Variants in NUP155 observed in about 807,000 individuals in gnomAD.
NUP155 encodes nuclear pore complex protein Nup155.
NUP155 carries 71 observed loss-of-function variants against 180.4 expected under a neutral mutation model. The observed-to-expected ratio is 0.39, with a 90% CI of 0.33 to 0.48. The LOEUF (loss-of-function observed/expected upper bound fraction) is 0.48, where lower values mean the gene tolerates loss of function less well. Among genes scored for constraint, NUP155 ranks in the 20% least tolerant of loss-of-function variants. NUP155 has a pLI of 0.91. For synonymous variants in NUP155, 582 were observed against 559.5 expected, an observed-to-expected ratio of 1.04 and a Z score of -0.57; for missense variants, 1,553 against 1,648.9, an observed-to-expected ratio of 0.94 and a Z score of 1.01.
intron 9 of NUP155, among the ~76,000 whole-genome samples, chr5:37,344,138 G>A (rs188874247): frequency 1.3e-5 from 2 of 151,114 alleles, no homozygotes; most frequent in African/African-American, 2.4e-5. Flanking sequence ...CCAGGAGTTC[G>A]AGACCAGCCT....
chr5:37,315,978 T>C (rs763921690), intron 21 of NUP155, among the ~76,000 whole-genome samples: 14 of 152,108 alleles, frequency 9.2e-5, no homozygotes, highest in Non-Finnish European at 1.6e-4. Context: ...TAAAATGCAG[T>C]AGCTGCTATG....
chr5:37,348,497 C>T lies in NUP155; in HGVS notation c.995+8G>A, dbSNP rs779694470. 5.8e-6 allele frequency: 9 copies of T among 1,546,030 alleles called. No individual in the cohort carries two copies. The highest frequency in any genetic ancestry group is 1.1e-5 in the South Asian group (1 of 89,618). On this transcript the variant is annotated splice_region_variant and intron_variant, in intron 9 of 34. Coordinates refer to ENST00000231498, the MANE Select transcript of NUP155 (RefSeq NM_153485.3). ...AAATGAAATGCTTAATAATAAATTA[C>T]ATGTTACCTAGCAATGTTACCAGCA...
chr5:37,356,556 T>C (rs1223599227), intron 4 of NUP155, among the ~76,000 whole-genome samples: 1 of 151,920 alleles, frequency 6.6e-6, no homozygotes, highest in Non-Finnish European at 1.5e-5. Flanking sequence ...GGAGAATCGC[T>C]TGAACTCAGG....
intron 3 of NUP155, among the ~76,000 whole-genome samples, chr5:37,362,727 C>T (rs1213860590): frequency 2.0e-5 from 3 of 152,112 alleles, no homozygotes; most frequent in Non-Finnish European, 4.4e-5. Context: ...GTTATGGTAA[C>T]ATAACAAAGT....
intron 9 of NUP155, among the ~76,000 whole-genome samples, chr5:37,346,533 G>C (rs1386305187): frequency 1.3e-5 from 2 of 151,970 alleles, no homozygotes; most frequent in Non-Finnish European, 2.9e-5. Flanking sequence ...TTAGCCAGGC[G>C]TGGTGACAGG....
Position 37,370,832 on chromosome 5 carries a change from A to G in NUP155, c.146T>C (p.Val49Ala), listed in dbSNP as rs1211320047. The G allele has an allele frequency of 6.2e-7, 1 of 1,614,194 alleles. No homozygotes were observed. The highest frequency in any genetic ancestry group is 1.7e-5 in the Admixed American group (1 of 60,014). Residue 49 changes from valine (V) to alanine (A), a missense_variant, in exon 1 of 35, where the codon GTG (valine) becomes GCG (alanine). Val to Ala is a moderately conservative substitution (Grantham distance 64). Transcript: ENST00000231498. Reference sequence around the variant, plus strand: ...TCACTATCACTCACTTGGGGCAGACACCATAAGCAGCTCGGAAAGGTCCGG... The same window carrying G: ...TCACTATCACTCACTTGGGGCAGACGCCATAAGCAGCTCGGAAAGGTCCGG... ...MYPDLSELLM[V>A]SAPNNPTVSG...
chr5:37,306,141 A>C (rs1301676209), intron 25 of NUP155, among the ~76,000 whole-genome samples: 1 of 152,120 alleles, frequency 6.6e-6, no homozygotes, highest in African/African-American at 2.4e-5. Context: ...CTCTAATCTC[A>C]GCACTTTGGG....
intron 13 of NUP155, among the ~76,000 whole-genome samples, chr5:37,333,119 C>A (rs1745088970): frequency 6.6e-6 from 1 of 151,990 alleles, no homozygotes; most frequent in Non-Finnish European, 1.5e-5. Context: ...CTTTGGGAGG[C>A]CGAGGCAGGC....
chr5:37,356,569 G>T (rs1346946969), intron 4 of NUP155, among the ~76,000 whole-genome samples: 1 of 152,122 alleles, frequency 6.6e-6, no homozygotes, highest in Non-Finnish European at 1.5e-5. Context: ...AACTCAGGAG[G>T]CGAGACTGCA....
intron 19 of NUP155, 123 bp downstream of exon 19, chr5:37,325,778 A>AAAC: frequency 3.1e-6 from 2 of 649,096 alleles, no homozygotes; most frequent in African/African-American, 3.7e-5. Context: ...CAAAAAAAAA[A>AAAC]AAAAAAAAAA....
At chr5:37,363,855 C>T (rs1174744040) in intron 3 of NUP155, 33 bp downstream of exon 3, 1 of 1,381,054 alleles carries the variant, frequency 7.2e-7, no homozygotes, top group South Asian at 1.2e-5. Flanking sequence ...AAATTCCAAT[C>T]ACCCTTAAAG....
At chr5:37,365,295 C>T (rs1747484401) in intron 1 of NUP155, among the ~76,000 whole-genome samples, 1 of 151,618 alleles carries the variant, frequency 6.6e-6, no homozygotes, top group African/African-American at 2.4e-5. Context: ...AAAATGAAAG[C>T]ATGTAATTGT....
chr5:37,311,451 G>T (rs1743517453), intron 22 of NUP155, among the ~76,000 whole-genome samples: 2 of 150,236 alleles, frequency 1.3e-5, no homozygotes, highest in Admixed American at 6.6e-5. Flanking sequence ...AAAAAGATAA[G>T]TTTCATAATT....
At chr5:37,350,106 G>T in intron 7 of NUP155, 54 bp downstream of exon 7, 1 of 1,163,600 alleles carries the variant, frequency 8.6e-7, no homozygotes, top group Non-Finnish European at 1.3e-6. Context: ...AACGTTGAGG[G>T]AACAATGTGT....
chr5:37,340,541 T>C (rs187927149), intron 11 of NUP155, among the ~76,000 whole-genome samples: 2 of 152,106 alleles, frequency 1.3e-5, no homozygotes, highest in African/African-American at 4.8e-5. Flanking sequence ...GACATAAGGA[T>C]GGATAATATA....
chr5:37,325,988 A>C (rs751958403), intron 18 of NUP155, 21 bp from the exon 19 acceptor site: 10 of 1,519,500 alleles, frequency 6.6e-6, no homozygotes, highest in Middle Eastern at 1.7e-4. Flanking sequence ...AAAAGTTTTA[A>C]TGATTGTGCT....
chr5:37,364,060 A>C (rs1210531380), intron 2 of NUP155, 76 bp from the exon 3 acceptor site: 62 of 1,266,222 alleles, frequency 4.9e-5, no homozygotes, highest in Non-Finnish European at 6.4e-5. Flanking sequence ...CTTTTGACTT[A>C]ATATTTACGT....
intron 4 of NUP155, among the ~76,000 whole-genome samples, chr5:37,357,861 C>T (rs11745631): frequency 0.16 from 23,860 of 151,974 alleles, 1,927 homozygotes; most frequent in South Asian, 0.2. Context: ...GGTGTGGTGG[C>T]GCACGCCCGT....
intron 15 of NUP155, 34 bp downstream of exon 15, chr5:37,330,004 A>C: frequency 6.7e-7 from 1 of 1,481,946 alleles, no homozygotes; most frequent in Non-Finnish European, 9.4e-7. Flanking sequence ...CCAGTAAAAA[A>C]ACAAATAAAT....
Sources: allele counts gnomAD v4.1 joint callset (sites outside exome capture counted in the v4.1 genomes callset), GRCh38; gene constraint gnomAD v4.1.1; transcripts MANE v1.5; gene names NCBI Gene and HGNC (gene_info 2026-07-23, HGNC 2026-07-21).